The following PWWP3B variants were observed in gnomAD, a reference collection of about 807,000 sequenced individuals.
PWWP3B encodes PWWP domain-containing DNA repair factor 3B.
In PWWP3B, 5 loss-of-function variants were observed where a neutral mutation model predicts 15.7. The observed-to-expected ratio is 0.32, with a 90% CI of 0.17 to 0.67. The LOEUF (loss-of-function observed/expected upper bound fraction) is 0.67. Ranked by LOEUF, PWWP3B falls within the 30% of genes least tolerant of loss-of-function variation. PWWP3B has a pLI of 0.74. For synonymous variants in PWWP3B, 203 were observed against 179.8 expected, an observed-to-expected ratio of 1.13 and a Z score of -1.03; for missense variants, 519 against 493.1, an observed-to-expected ratio of 1.05 and a Z score of -0.50.
At chrX:106,189,161 G>A (rs944521135) in intron 2 of PWWP3B, among the ~76,000 whole-genome samples, 4 of 111,892 alleles carry the variant, frequency 3.6e-5, no homozygotes, top group Admixed American at 1.9e-4. Flanking sequence ...GCTAGAAGTC[G>A]ATACTGTCTG....
At chrX:106,186,055 G>C (rs151134968) in intron 2 of PWWP3B, among the ~76,000 whole-genome samples, 2,919 of 111,499 alleles carry the variant, frequency 0.026, 103 homozygotes, top group African/African-American at 0.091. Context: ...AACTAGAAAA[G>C]CACCAGAGAT....
At chrX:106,192,806 A>C (rs199748955) in intron 2 of PWWP3B, among the ~76,000 whole-genome samples, 2 of 109,874 alleles carry the variant, frequency 1.8e-5, no homozygotes, top group East Asian at 2.8e-4. Context: ...TGTACCCAGT[A>C]GTCATTCAGG....
intron 2 of PWWP3B, among the ~76,000 whole-genome samples, chrX:106,194,698 G>T (rs1225754622): frequency 9.0e-6 from 1 of 111,141 alleles, no homozygotes; most frequent in Non-Finnish European, 1.9e-5. Context: ...TTTGATGATG[G>T]TGACGTACAG....
intron 2 of PWWP3B, among the ~76,000 whole-genome samples, chrX:106,201,075 A>G (rs1923680086): frequency 9.0e-6 from 1 of 111,037 alleles, no homozygotes; most frequent in Non-Finnish European, 1.9e-5. Flanking sequence ...AAAATAAAAA[A>G]TAAAAATAAA....
At position 106,205,561 on chromosome X, in the gene PWWP3B, A is replaced by G; in HGVS notation, c.129A>G (p.Ser43=). The G allele has an allele frequency of 2.5e-6, 3 of 1,207,450 alleles. No homozygotes were observed. Among genetic ancestry groups the G allele is most frequent in the Non-Finnish European group, 3.4e-6 (3 of 893,366 alleles). ...KAFSLEVQIL[S]LDEKIKLDST... The stretch of plus-strand genomic sequence containing the variant: ...TTTCTCTAGAAGTTCAAATACTCTC[A>G]CTAGATGAAAAAATTAAATTGGACA... The change falls in exon 4 of 4, where the codon TCA becomes TCG. Residue 43 remains serine, a synonymous_variant. Coordinates refer to ENST00000357175, the MANE Select transcript of PWWP3B (RefSeq NM_001171020.2).
intron 2 of PWWP3B, among the ~76,000 whole-genome samples, chrX:106,179,197 A>G (rs1359383021): frequency 8.9e-6 from 1 of 112,322 alleles, no homozygotes; most frequent in Non-Finnish European, 1.9e-5. Context: ...AAAATTGTAT[A>G]TGTCTAAAAG....
At chrX:106,179,073 T>C (rs1166865099) in intron 2 of PWWP3B, among the ~76,000 whole-genome samples, 2 of 111,912 alleles carry the variant, frequency 1.8e-5, no homozygotes, top group Non-Finnish European at 3.8e-5. Flanking sequence ...TTGCAAGATA[T>C]CCTAAATTTT....
intron 2 of PWWP3B, among the ~76,000 whole-genome samples, chrX:106,191,052 T>C (rs1313252239): frequency 2.7e-5 from 3 of 110,005 alleles, no homozygotes; most frequent in Non-Finnish European, 5.7e-5. Context: ...CCATATGAAC[T>C]TTAAAGTAGT....
At chrX:106,173,653 C>T (rs1250241168) in intron 2 of PWWP3B, among the ~76,000 whole-genome samples, 2 of 111,667 alleles carry the variant, frequency 1.8e-5, no homozygotes, top group African/African-American at 3.3e-5. Context: ...TTTACTATCC[C>T]CAGATAAATA....
intron 2 of PWWP3B, among the ~76,000 whole-genome samples, chrX:106,190,012 A>G (rs1175304008): frequency 8.9e-6 from 1 of 111,822 alleles, no homozygotes; most frequent in Non-Finnish European, 1.9e-5. Flanking sequence ...ATACATGTGC[A>G]TGTGTCTTTA....
intron 2 of PWWP3B, among the ~76,000 whole-genome samples, chrX:106,192,430 C>T (rs1434492596): frequency 2.7e-5 from 3 of 111,333 alleles, no homozygotes; most frequent in Admixed American, 9.5e-5. Context: ...ATTCTTCTCT[C>T]TTTTCTTCTT....
chrX:106,182,764 A>T (rs764864807), intron 2 of PWWP3B, among the ~76,000 whole-genome samples: 3 of 110,976 alleles, frequency 2.7e-5, no homozygotes, highest in African/African-American at 9.8e-5. Context: ...TCACGCAGGG[A>T]GTATGTTTGC....
intron 2 of PWWP3B, among the ~76,000 whole-genome samples, chrX:106,186,194 C>G (rs937775099): frequency 1.8e-5 from 2 of 110,846 alleles, no homozygotes; most frequent in Non-Finnish European, 3.8e-5. Flanking sequence ...CTCGCTTGGA[C>G]GACATGACTT....
intron 2 of PWWP3B, among the ~76,000 whole-genome samples, chrX:106,197,163 T>G (rs1923427408): frequency 8.9e-6 from 1 of 111,824 alleles, no homozygotes; most frequent in Non-Finnish European, 1.9e-5. Flanking sequence ...TAACCTCTGA[T>G]TTGTATATGT....
intron 2 of PWWP3B, among the ~76,000 whole-genome samples, chrX:106,190,624 CTA>C (rs780468818): frequency 2.4e-4 from 27 of 111,816 alleles, no homozygotes; most frequent in African/African-American, 8.5e-4. Context: ...TTGCCCATGC[CTA>C]TGTCCTGAAT....
At chrX:106,179,413 A>G (rs1922069737) in intron 2 of PWWP3B, among the ~76,000 whole-genome samples, 1 of 112,542 alleles carries the variant, frequency 8.9e-6, no homozygotes, top group Non-Finnish European at 1.9e-5. Flanking sequence ...TAAGAACATG[A>G]AGTGAAAATA....
At chrX:106,205,066 C>A (rs953467966) in intron 3 of PWWP3B, among the ~76,000 whole-genome samples, 153 bp from the exon 4 acceptor site, 13 of 110,510 alleles carry the variant, frequency 1.2e-4, no homozygotes, top group African/African-American at 4.0e-4. Flanking sequence ...CACCCCTCCC[C>A]CCCGCAATCT....
chrX:106,171,790 C>T (rs1921633525), intron 2 of PWWP3B, among the ~76,000 whole-genome samples: 1 of 110,297 alleles, frequency 9.1e-6, no homozygotes, highest in Non-Finnish European at 1.9e-5. Context: ...AGTTGCAACA[C>T]AACTGCCTAC....
At chrX:106,172,253 TA>T (rs991589678) in intron 2 of PWWP3B, among the ~76,000 whole-genome samples, 12 of 109,070 alleles carry the variant, frequency 1.1e-4, no homozygotes, top group Non-Finnish European at 1.7e-4. Flanking sequence ...ACTAAATTTA[TA>T]AAAAAAAATA....
Sources: gnomAD v4.1 joint callset for allele counts (sites outside exome capture counted in the v4.1 genomes callset) on GRCh38, gnomAD v4.1.1 for gene constraint, MANE v1.5 for transcripts, NCBI Gene and HGNC (gene_info 2026-07-23, HGNC 2026-07-21) for gene names.